The following PDE4D variants were observed in gnomAD, a reference collection of about 807,000 sequenced individuals.
PDE4D encodes the protein phosphodiesterase 4D, also known as 3',5'-cyclic-AMP phosphodiesterase 4D.
Under a neutral mutation model 87.4 loss-of-function variants are expected in PDE4D, and 24 were observed. The observed-to-expected ratio is 0.27, with a 90% CI of 0.20 to 0.39. The LOEUF (loss-of-function observed/expected upper bound fraction) is 0.39. PDE4D is among the 10% of genes least tolerant of loss of function. The pLI, the probability that PDE4D is intolerant of heterozygous loss-of-function variation, is 1.00. For missense variants in PDE4D, 714 were observed against 1,041.0 expected, an observed-to-expected ratio of 0.69 and a Z score of 4.32; for synonymous variants, 384 against 383.2, an observed-to-expected ratio of 1.00 and a Z score of -0.02.
intron 2 of PDE4D, among the ~76,000 whole-genome samples, chr5:59,205,620 C>G (rs1166845114): frequency 1.3e-5 from 2 of 149,692 alleles, no homozygotes; most frequent in Non-Finnish European, 3.0e-5. Context: ...CTGCAAGACT[C>G]TCGGTGCTGT....
chr5:59,391,531 T>G (rs1788246001), intron 1 of PDE4D, among the ~76,000 whole-genome samples: 1 of 152,200 alleles, frequency 6.6e-6, no homozygotes, highest in Admixed American at 6.5e-5. Flanking sequence ...CACTGATCTC[T>G]CTTTCTTCCC....
chr5:59,957,736 CT>C (rs1053510699), intron 3 of PDE4D, among the ~76,000 whole-genome samples: 14 of 149,808 alleles, frequency 9.3e-5, no homozygotes, highest in African/African-American at 2.9e-4. Context: ...TTTTCTCTAT[CT>C]TTTTTTCTAG....
intron 1 of PDE4D, among the ~76,000 whole-genome samples, chr5:59,598,424 G>A (rs546438141): frequency 4.6e-5 from 7 of 152,084 alleles, no homozygotes; most frequent in Non-Finnish European, 7.4e-5. Context: ...TCCTCAGCAC[G>A]TTTTATTGAT....
At chr5:59,168,889 G>T (rs1034861700) in intron 5 of PDE4D, among the ~76,000 whole-genome samples, 1 of 152,086 alleles carries the variant, frequency 6.6e-6, no homozygotes, top group African/African-American at 2.4e-5. Flanking sequence ...AACTTGTCTA[G>T]CCCAGTTTTG....
chr5:59,619,074 T>G (rs1830043583), intron 1 of PDE4D, among the ~76,000 whole-genome samples: 1 of 152,286 alleles, frequency 6.6e-6, no homozygotes, highest in Admixed American at 6.5e-5. Flanking sequence ...TATAAAAAAC[T>G]TTGGAGAATA....
At chr5:59,490,508 A>G (rs1355894231) in intron 1 of PDE4D, among the ~76,000 whole-genome samples, 1 of 152,184 alleles carries the variant, frequency 6.6e-6, no homozygotes, top group Non-Finnish European at 1.5e-5. Context: ...AAGAAAGAAA[A>G]CCAACTAAAA....
intron 1 of PDE4D, among the ~76,000 whole-genome samples, chr5:59,792,922 G>A (rs1765981672): frequency 6.6e-6 from 1 of 152,192 alleles, no homozygotes; most frequent in Non-Finnish European, 1.5e-5. Flanking sequence ...AAAAATGACT[G>A]TAGGCTTCAA....
Position 60,326,267 on chromosome 5 carries a change from C to A in PDE4D, c.-89-140580G>T, listed in dbSNP as rs141142039. 6.6e-5 allele frequency among the ~76,000 whole-genome samples: 10 copies of A among 152,238 alleles called. 1 individual carries two copies. The East Asian group carries it at 1.9e-3, about 29-fold the overall frequency. On this transcript the variant is annotated intron_variant, in intron 1 of 16. Transcript: ENST00000502484. ...CAAACTCTTTTCCAGAGTGCCTGTA[C>A]TATTTTACATTCCCATTATCCATGT...
intron 3 of PDE4D, among the ~76,000 whole-genome samples, chr5:59,938,184 C>T (rs1046401099): frequency 6.6e-6 from 1 of 152,148 alleles, no homozygotes; most frequent in Non-Finnish European, 1.5e-5. Context: ...CCTTCAATTG[C>T]ATTCAGGTTT....
chr5:59,628,844 C>T (rs1831215572), intron 1 of PDE4D, among the ~76,000 whole-genome samples: 1 of 152,162 alleles, frequency 6.6e-6, no homozygotes, highest in Admixed American at 6.5e-5. Context: ...ATACCTGACA[C>T]TGGGTGATTT....
intron 1 of PDE4D, among the ~76,000 whole-genome samples, chr5:60,346,470 C>T (rs1011792428): frequency 6.6e-6 from 1 of 152,152 alleles, no homozygotes; most frequent in East Asian, 1.9e-4. Context: ...TATTTACTGC[C>T]TCTTACAAAA....
chr5:60,208,679 T>C (rs1742830959), intron 1 of PDE4D, among the ~76,000 whole-genome samples: 1 of 152,178 alleles, frequency 6.6e-6, no homozygotes, highest in Non-Finnish European at 1.5e-5. Flanking sequence ...TGTCTCCCAT[T>C]GTATTCTTAT....
intron 1 of PDE4D, among the ~76,000 whole-genome samples, chr5:59,428,763 CAT>C (rs1795681597): frequency 6.6e-6 from 1 of 152,240 alleles, no homozygotes; most frequent in African/African-American, 2.4e-5. Flanking sequence ...GTTTTCATTA[CAT>C]GTTTGTTGTC....
chr5:59,878,364 CT>C (rs1172847702), intron 1 of PDE4D, among the ~76,000 whole-genome samples: 1 of 152,192 alleles, frequency 6.6e-6, no homozygotes. Context: ...ATATTTCAAA[CT>C]TTCCCCCACT....
At chr5:59,379,434 A>G (rs1182666173) in intron 1 of PDE4D, among the ~76,000 whole-genome samples, 1 of 152,136 alleles carries the variant, frequency 6.6e-6, no homozygotes, top group Non-Finnish European at 1.5e-5. Context: ...AAAATCATCT[A>G]TACCGAGAGG....
intron 1 of PDE4D, among the ~76,000 whole-genome samples, chr5:59,661,039 G>A (rs1289500885): frequency 1.4e-5 from 2 of 146,338 alleles, no homozygotes; most frequent in African/African-American, 5.1e-5. Flanking sequence ...ATAATCCCAG[G>A]AGCAGTTTGC....
In PDE4D at chr5:59,254,792, T is replaced by G; in HGVS notation, c.456-38824A>C. On this transcript the variant is annotated intron_variant, in intron 1 of 14. Coordinates refer to ENST00000340635, the MANE Select transcript of PDE4D (RefSeq NM_001104631.2). Reference sequence around the variant, plus strand: ...CACCTCTTCCTCAAAGCTAGCAACTTCTACCATCACCTTAAGTGCATACGC... The same window carrying G: ...CACCTCTTCCTCAAAGCTAGCAACTGCTACCATCACCTTAAGTGCATACGC... 1.3e-5 allele frequency among the ~76,000 whole-genome samples: 2 copies of G among 152,128 alleles called. 1 individual carries two copies. The highest frequency in any genetic ancestry group is 2.9e-5 in the Non-Finnish European group (2 of 68,014).
At chr5:59,976,857 T>C (rs1369978293) in intron 3 of PDE4D, among the ~76,000 whole-genome samples, 7 of 152,208 alleles carry the variant, frequency 4.6e-5, no homozygotes, top group Admixed American at 1.3e-4. Context: ...GCTAGGGTGA[T>C]CTGTGATCAG....
At chr5:59,953,379 C>T (rs960901142) in intron 3 of PDE4D, among the ~76,000 whole-genome samples, 7 of 150,716 alleles carry the variant, frequency 4.6e-5, no homozygotes, top group South Asian at 2.1e-4. Context: ...TCTAGAATTT[C>T]GAAGCCATAA....
Sources: gnomAD v4.1 joint callset for allele counts (sites outside exome capture counted in the v4.1 genomes callset) on GRCh38, gnomAD v4.1.1 for gene constraint, MANE v1.5 for transcripts, NCBI Gene and HGNC (gene_info 2026-07-23, HGNC 2026-07-21) for gene names.